The following SLMAP variants were observed in gnomAD, a reference collection of about 807,000 sequenced individuals.
SLMAP encodes the protein sarcolemma associated protein.
In SLMAP, 44 loss-of-function variants were observed where a neutral mutation model predicts 128.8. The ratio of observed to expected loss-of-function variants is 0.34; its 90% confidence interval spans 0.27 to 0.44. The LOEUF is 0.44. Among genes scored for constraint, SLMAP ranks in the 20% least tolerant of loss-of-function variants. The pLI is 1.00. For missense variants in SLMAP, 787 were observed against 985.3 expected (o/e 0.80, Z 2.69); for synonymous variants, 327 against 348.8 (o/e 0.94, Z 0.70).
intron 2 of SLMAP, among the ~76,000 whole-genome samples, chr3:57,820,526 T>G (rs1392539462): frequency 6.6e-6 from 1 of 152,268 alleles, no homozygotes; most frequent in East Asian, 1.9e-4. Context: ...CCGCCCCCAC[T>G]ACCACCCCAT....
chr3:57,788,744 G>A (rs1233590106), intron 2 of SLMAP, among the ~76,000 whole-genome samples: 2 of 152,322 alleles, frequency 1.3e-5, no homozygotes, highest in East Asian at 3.9e-4. Flanking sequence ...AGAGTTGAAA[G>A]TAGTCCTTGG....
chr3:57,906,309 T>TTTTC (rs2096547495), intron 17 of SLMAP, among the ~76,000 whole-genome samples: 1 of 92,942 alleles, frequency 1.1e-5, no homozygotes, highest in East Asian at 4.7e-4. Flanking sequence ...TCTTTTTTTT[T>TTTTC]CTTTTTTTTT....
chr3:57,796,057 G>A (rs1375428717), intron 2 of SLMAP, among the ~76,000 whole-genome samples: 2 of 151,910 alleles, frequency 1.3e-5, no homozygotes, highest in Non-Finnish European at 2.9e-5. Context: ...TTGTGCCTTT[G>A]GTGTCATTTC....
At chr3:57,789,497 G>T (rs2084973091) in intron 2 of SLMAP, among the ~76,000 whole-genome samples, 1 of 152,126 alleles carries the variant, frequency 6.6e-6, no homozygotes, top group Non-Finnish European at 1.5e-5. Context: ...TGAGGAACCT[G>T]ATCATACATC....
At chr3:57,801,434 T>C (rs549801067) in intron 2 of SLMAP, 1 of 152,972 alleles carries the variant, frequency 6.5e-6, no homozygotes, top group Non-Finnish European at 1.5e-5. Context: ...ACCAGCACTC[T>C]GCTAGCTGGC....
chr3:57,847,061 G>T, intron 4 of SLMAP, 136 bp from the exon 5 acceptor site: 2 of 609,380 alleles, frequency 3.3e-6, no homozygotes, highest in South Asian at 2.3e-5. Context: ...ATGAAGGATT[G>T]AAAAATAGTT....
Position 57,922,927 on chromosome 3 carries a change from G to A in SLMAP, c.2349G>A (p.Leu783=). 1 of 1,613,638 alleles carries A rather than the reference G, an allele frequency of 6.2e-7. No individual in the cohort carries two copies. The highest frequency in any genetic ancestry group is 8.5e-7 in the Non-Finnish European group (1 of 1,179,930). The change falls in exon 23 of 25, where the codon TTG becomes TTA. Residue 783 remains leucine, a synonymous_variant. Transcript: ENST00000671191. The part of the protein sequence containing the change: ...KTQTVLSELK[L]KFEMTEQEKQ... ...AGACTGTACTCTCAGAACTGAAGTT[G>A]AAGTTTGAAATGACTGAGCAGGAAA...
chr3:57,879,833 C>G (rs1227175694), intron 14 of SLMAP, among the ~76,000 whole-genome samples: 2 of 151,810 alleles, frequency 1.3e-5, no homozygotes, highest in Non-Finnish European at 2.9e-5. Flanking sequence ...ACCTGTAATC[C>G]CAGCTTCATG....
At chr3:57,885,801 T>C (rs1419690209) in intron 14 of SLMAP, among the ~76,000 whole-genome samples, 1 of 88,520 alleles carries the variant, frequency 1.1e-5, no homozygotes, top group African/African-American at 4.2e-5. Context: ...TTTTTTTTTT[T>C]GAGACAGAGT....
Position 57,896,413 on chromosome 3 carries a change from C to T in SLMAP, c.1361-98C>T, listed in dbSNP as rs115570799. On this transcript the variant is annotated intron_variant, in intron 15 of 24. Coordinates refer to ENST00000671191, the MANE Select transcript of SLMAP (RefSeq NM_001377540.1). ...CCTGACCTATTTTAAAAGTACTTTG[C>T]GTACCTGTAGATTTTGAGCATTCAT... 1.4e-4 allele frequency: 201 copies of T among 1,437,118 alleles called. 1 individual carries two copies. The African/African-American group carries it at 2.5e-3, about 18-fold the overall frequency. The allele number at this position is 1,437,118 out of a possible 1,614,324, so 89.0% of individuals were successfully genotyped here.
intron 14 of SLMAP, among the ~76,000 whole-genome samples, chr3:57,877,752 A>T (rs1288815621): frequency 6.6e-6 from 1 of 150,500 alleles, no homozygotes; most frequent in Non-Finnish European, 1.5e-5. Context: ...TTTAAAAAAG[A>T]TCTGTTTCCA....
At chr3:57,828,368 C>CT (rs1195715628) in intron 2 of SLMAP, among the ~76,000 whole-genome samples, 3 of 152,102 alleles carry the variant, frequency 2.0e-5, no homozygotes, top group South Asian at 2.1e-4. Flanking sequence ...GGTACAGAAT[C>CT]TTTTTTTTAA....
chr3:57,869,654 A>ATATATATC (rs1426114398), intron 13 of SLMAP, among the ~76,000 whole-genome samples: 1 of 135,630 alleles, frequency 7.4e-6, no homozygotes, highest in Non-Finnish European at 1.6e-5. Flanking sequence ...ATATATATAT[A>ATATATATC]TATATAATAT....
In SLMAP at chr3:57,849,674, G is replaced by A. The variant is rs371399718; in HGVS notation, c.457-80G>A. 8.9e-6 allele frequency: 7 copies of A among 787,858 alleles called. No individual in the cohort carries two copies. In the African/African-American group the frequency reaches 1.2e-4, roughly 14 times the overall value. 48.8% of individuals were successfully genotyped at this position (787,858 alleles called of 1,614,324 possible). A position where few individuals can be genotyped will look rare whatever the true frequency, so the allele number is the denominator to read the frequency against. ...ACAGTTATTTTGCATATTTAAGTAA[G>A]TAGACATTTCAAGAAATTGGTTTGT... On this transcript the variant is annotated intron_variant, in intron 5 of 24. Coordinates refer to ENST00000671191, the MANE Select transcript of SLMAP (RefSeq NM_001377540.1).
chr3:57,832,366 T>G (rs988374332), intron 3 of SLMAP, among the ~76,000 whole-genome samples: 1 of 152,208 alleles, frequency 6.6e-6, no homozygotes, highest in Non-Finnish European at 1.5e-5. Context: ...CTATCACAAG[T>G]ATAAAATAAA....
intron 2 of SLMAP, among the ~76,000 whole-genome samples, chr3:57,767,350 A>G (rs1041226742): frequency 6.6e-6 from 1 of 152,366 alleles, no homozygotes; most frequent in Non-Finnish European, 1.5e-5. Flanking sequence ...GGGAAATGTG[A>G]ACAATGGAGC....
chr3:57,825,495 G>GTT (rs1181833287), intron 2 of SLMAP, among the ~76,000 whole-genome samples: 2 of 120,508 alleles, frequency 1.7e-5, no homozygotes, highest in Admixed American at 8.0e-5. Context: ...ATGATTGTGT[G>GTT]TTTTCTTTTT....
In SLMAP at chr3:57,757,697, C is replaced by T. The variant is rs1229794896; in HGVS notation, c.46C>T (p.Pro16Ser). ...AIFTCRPNSH[P>S]FQERHVYLDE... ...CTTCACTTGCCGCCCGAACTCGCAC[C>T]CGTTTCAGGAGCGTCATGTCTACCT... The change falls in exon 2 of 25, where the codon CCG becomes TCG. Residue 16 changes from proline (P) to serine (S), a missense_variant. This residue lies in a region of SLMAP where 72 missense variants were observed against 141.8 expected (regional missense o/e 0.51). Coordinates refer to ENST00000671191, the MANE Select transcript of SLMAP (RefSeq NM_001377540.1). The T allele has an allele frequency of 2.5e-6, 4 of 1,614,146 alleles. No individual in the cohort carries two copies. Among genetic ancestry groups the T allele is most frequent in the Non-Finnish European group, 3.4e-6 (4 of 1,180,044 alleles).
chr3:57,902,557 G>A (rs1046376787), intron 17 of SLMAP, among the ~76,000 whole-genome samples: 1 of 152,094 alleles, frequency 6.6e-6, no homozygotes, highest in Non-Finnish European at 1.5e-5. Flanking sequence ...CAGTCAAGAG[G>A]CTTAATCATT....
Sources: allele counts gnomAD v4.1 joint callset (sites outside exome capture counted in the v4.1 genomes callset), GRCh38; gene constraint gnomAD v4.1.1; regional missense constraint gnomAD v4.1.1; transcripts MANE v1.5; gene names NCBI Gene and HGNC (gene_info 2026-07-23, HGNC 2026-07-21).